The following FOCAD variants were observed in gnomAD, a reference collection of about 807,000 sequenced individuals.
FOCAD encodes the protein focadhesin, also known as KIAA1797.
In FOCAD, 198 loss-of-function variants were observed where a neutral mutation model predicts 225.6. The ratio of observed to expected loss-of-function variants is 0.88; its 90% CI spans 0.78 to 0.99. The LOEUF (loss-of-function observed/expected upper bound fraction) is 0.99. Among genes scored for constraint, FOCAD ranks in the 50% least tolerant of loss-of-function variants. The pLI is 0.00. For synonymous variants in FOCAD, 897 were observed against 755.0 expected (o/e 1.19, Z -3.08); for missense variants, 2,713 against 2,123.6 (o/e 1.28, Z -5.46).
upstream of FOCAD, among the ~76,000 whole-genome samples, chr9:20,682,375 C>G (rs1335792825): frequency 6.6e-6 from 1 of 152,182 alleles, no homozygotes; most frequent in Non-Finnish European, 1.5e-5. Flanking sequence ...TCATTGAGCA[C>G]CAGGGTGCTT....
At chr9:20,933,133 G>T (rs201488413) in intron 28 of FOCAD, 30 bp downstream of exon 28, 1 of 1,502,096 alleles carries the variant, frequency 6.7e-7, no homozygotes, top group Admixed American at 1.7e-5. Flanking sequence ...ACTCTCACAG[G>T]TACTTAGACA....
intron 28 of FOCAD, among the ~76,000 whole-genome samples, chr9:20,943,676 G>C (rs1413796395): frequency 6.6e-6 from 1 of 152,074 alleles, no homozygotes; most frequent in African/African-American, 2.4e-5. Flanking sequence ...CTAACATGTG[G>C]GCATTGAGAT....
In FOCAD at chr9:20,764,954, C is replaced by T; in HGVS notation, c.580C>T (p.Leu194Phe). ...EPSQLQEYAKLRLALLKVLLQ... is the reference protein window; with the variant it reads ...EPSQLQEYAKFRLALLKVLLQ... ...ATCTCAGTTACAAGAATATGCTAAACTCCGACTAGCCCTGCTGAAAGTCTT... is the reference window on the plus strand; with the variant it reads ...ATCTCAGTTACAAGAATATGCTAAATTCCGACTAGCCCTGCTGAAAGTCTT... Residue 194 changes from leucine (L) to phenylalanine (F), a missense_variant, in exon 7 of 44, where the codon CTC becomes TTC. Coordinates refer to ENST00000338382, the MANE Select transcript of FOCAD (RefSeq NM_001375567.1). 2.5e-6 allele frequency: 4 copies of T among 1,614,100 alleles called. No individual in the cohort carries two copies. The highest frequency in any genetic ancestry group is 3.4e-6 in the Non-Finnish European group (4 of 1,180,010).
At chr9:20,962,244 A>G (rs943660446) in intron 35 of FOCAD, among the ~76,000 whole-genome samples, 1 of 152,090 alleles carries the variant, frequency 6.6e-6, no homozygotes, top group African/African-American at 2.4e-5. Flanking sequence ...ATAATTATTT[A>G]TACTTCTTTG....
Position 20,949,820 on chromosome 9 carries a change from G to C in FOCAD, c.3948+145G>C. 4.6e-6 allele frequency: 3 copies of C among 657,282 alleles called. No individual in the cohort carries two copies. The East Asian group carries it at 7.9e-5, about 17-fold the overall frequency. 40.7% of individuals were successfully genotyped at this position (657,282 alleles called of 1,614,324 possible). The stretch of plus-strand genomic sequence containing the variant: ...CTGAGTTCAAGAGGCATTTGGGAGT[G>C]ATGTGTGGACCTGTGTTAACTGACA... On this transcript the variant is annotated intron_variant, in intron 33 of 43. Coordinates refer to ENST00000338382, the MANE Select transcript of FOCAD (RefSeq NM_001375567.1).
chr9:20,811,886 TTATGTTTCTG>T (rs1453718400), intron 11 of FOCAD, among the ~76,000 whole-genome samples: 17 of 152,098 alleles, frequency 1.1e-4, no homozygotes, highest in Non-Finnish European at 1.0e-4. Flanking sequence ...TATTAAGGAA[TTATGTTTCTG>T]TATATATCAT....
rs529292205 is a variant in FOCAD at position 20,659,872 on chromosome 9, G to A, written c.-78+1046G>A. Among the ~76,000 whole-genome samples, 14 of 152,326 alleles carry A rather than the reference G, an allele frequency of 9.2e-5. No homozygotes were observed. In the South Asian group the frequency reaches 2.7e-3, roughly 29 times the overall value. ...ATGGGAAGGGCTTGACTAAGGCAGT[G>A]ACCATCGGAGTGGTGCAATGAGATA... On this transcript the variant is annotated intron_variant, in intron 2 of 45. Transcript: ENST00000380249.
At chr9:20,723,992 G>T (rs889327156) in intron 4 of FOCAD, among the ~76,000 whole-genome samples, 2 of 151,952 alleles carry the variant, frequency 1.3e-5, no homozygotes, top group Admixed American at 6.6e-5. Context: ...GAGAGGGGGA[G>T]GTCCAAGATT....
chr9:20,768,048 A>G (rs996286057), intron 7 of FOCAD, among the ~76,000 whole-genome samples: 4 of 150,798 alleles, frequency 2.7e-5, no homozygotes, highest in African/African-American at 9.7e-5. Flanking sequence ...CCATATGGCT[A>G]GCCAGTTTTC....
intron 15 of FOCAD, among the ~76,000 whole-genome samples, chr9:20,851,412 A>G (rs1020470700): frequency 6.6e-6 from 1 of 151,828 alleles, no homozygotes; most frequent in African/African-American, 2.4e-5. Flanking sequence ...GCGGAAGGTT[A>G]AACTTTGGAA....
chr9:20,956,657 C>A (rs1321149717), intron 35 of FOCAD, among the ~76,000 whole-genome samples: 1 of 152,126 alleles, frequency 6.6e-6, no homozygotes, highest in Non-Finnish European at 1.5e-5. Flanking sequence ...GCATTGGTTT[C>A]TGGACATTTG....
intron 30 of FOCAD, among the ~76,000 whole-genome samples, 169 bp from the exon 31 acceptor site, chr9:20,948,102 A>C (rs1837351089): frequency 7.3e-6 from 1 of 137,590 alleles, no homozygotes; most frequent in African/African-American, 2.6e-5. Context: ...TCTAGATTAA[A>C]AAAAAACAAA....
chr9:20,944,836 A>G (rs1837027830), intron 29 of FOCAD, 62 bp downstream of exon 29: 2 of 1,497,526 alleles, frequency 1.3e-6, no homozygotes, highest in East Asian at 4.7e-5. Flanking sequence ...CTTGCCACTT[A>G]TTTTGGACTT....
intron 28 of FOCAD, among the ~76,000 whole-genome samples, chr9:20,940,600 G>A (rs980665507): frequency 2.6e-5 from 4 of 152,018 alleles, no homozygotes; most frequent in Admixed American, 2.0e-4. Flanking sequence ...TCTCTTTTTG[G>A]CTTCAGGTTC....
chr9:20,939,634 T>A (rs1235053074), intron 28 of FOCAD, among the ~76,000 whole-genome samples: 1 of 152,102 alleles, frequency 6.6e-6, no homozygotes, highest in African/African-American at 2.4e-5. Context: ...AATTTATTTT[T>A]GTTACTAATA....
chr9:20,941,112 G>A (rs1209357717), intron 28 of FOCAD, among the ~76,000 whole-genome samples: 1 of 152,188 alleles, frequency 6.6e-6, no homozygotes, highest in Non-Finnish European at 1.5e-5. Flanking sequence ...TTACTAGAAG[G>A]TAGTTAGTAG....
intron 6 of FOCAD, among the ~76,000 whole-genome samples, chr9:20,764,196 A>G (rs1170163099): frequency 6.6e-6 from 1 of 152,130 alleles, no homozygotes; most frequent in Non-Finnish European, 1.5e-5. Flanking sequence ...CCAAAAATTC[A>G]TGTTTGTGTC....
chr9:20,975,306 C>T (rs1242522639), intron 35 of FOCAD, among the ~76,000 whole-genome samples: 6 of 152,120 alleles, frequency 3.9e-5, no homozygotes, highest in Non-Finnish European at 5.9e-5. Context: ...TTCTAATTAC[C>T]CTATACACAC....
At chr9:20,897,521 A>G (rs1832196741) in intron 21 of FOCAD, among the ~76,000 whole-genome samples, 1 of 151,114 alleles carries the variant, frequency 6.6e-6, no homozygotes, top group Non-Finnish European at 1.5e-5. Flanking sequence ...TTTTGTTAGC[A>G]TATCAGTTAT....
Sources: gnomAD v4.1 joint callset for allele counts (sites outside exome capture counted in the v4.1 genomes callset) on GRCh38, gnomAD v4.1.1 for gene constraint, MANE v1.5 for transcripts, NCBI Gene and HGNC (gene_info 2026-07-23, HGNC 2026-07-21) for gene names.